Variants in AP3S2 observed in about 807,000 individuals in gnomAD.
AP3S2 encodes the protein AP-3 complex subunit sigma-2.
In AP3S2, 22 loss-of-function variants were observed where a neutral mutation model predicts 23.4. The observed-to-expected ratio is 0.94, with a 90% CI of 0.67 to 1.34. AP3S2 has a LOEUF of 1.34. Among genes scored for constraint, AP3S2 ranks in the 40% most tolerant of loss-of-function variants. The pLI is 0.00. For synonymous variants in AP3S2, 86 were observed against 87.1 expected (o/e 0.99, Z 0.07); for missense variants, 241 against 236.9 (o/e 1.02, Z -0.11).
chr15:89,870,361 C>G (rs1369315391), intron 4 of AP3S2, among the ~76,000 whole-genome samples: 1 of 152,038 alleles, frequency 6.6e-6, no homozygotes, highest in African/African-American at 2.4e-5. Context: ...CTGGAAGCCC[C>G]GTGAGGTTGT....
At position 89,833,356 on chromosome 15, in the gene AP3S2, A is replaced by G. The variant is rs1895120822; in HGVS notation, c.*2159T>C. On this transcript the variant is annotated 3_prime_UTR_variant, in exon 6 of 6. Coordinates refer to ENST00000336418, the MANE Select transcript of AP3S2 (RefSeq NM_005829.5). ...TTCCTTATCTATAAAAAAGAAGATGATAACATTGGGAGAAGCCATCTTAAG... is the reference window on the plus strand; with the variant it reads ...TTCCTTATCTATAAAAAAGAAGATGGTAACATTGGGAGAAGCCATCTTAAG... The G allele has an allele frequency of 2.6e-5, 4 of 152,194 alleles. No individual in the cohort carries two copies. Among genetic ancestry groups the G allele is most frequent in the Admixed American group, 2.0e-4 (3 of 15,270 alleles). 9.4% of individuals were successfully genotyped at this position (152,194 alleles called of 1,614,324 possible). A position where few individuals can be genotyped will look rare whatever the true frequency, so the allele number is the denominator to read the frequency against.
intron 1 of AP3S2, among the ~76,000 whole-genome samples, chr15:89,891,911 A>G (rs1896829903): frequency 6.6e-6 from 1 of 152,232 alleles, no homozygotes; most frequent in East Asian, 1.9e-4. Context: ...AAATGAAGTC[A>G]TAAGTCCACA....
At chr15:89,878,157 C>T (rs1896486844) in intron 3 of AP3S2, 1 of 527,526 alleles carries the variant, frequency 1.9e-6, no homozygotes, top group Middle Eastern at 4.2e-4. Context: ...GATCTTGCCA[C>T]TGGTACATAA....
At chr15:89,875,561 C>T (rs1179394062) in intron 3 of AP3S2, among the ~76,000 whole-genome samples, 3 of 151,904 alleles carry the variant, frequency 2.0e-5, no homozygotes, top group African/African-American at 7.3e-5. Context: ...GGCAAGAAGA[C>T]AGGAATCCTA....
chr15:89,862,234 T>A (rs555809521), intron 4 of AP3S2, among the ~76,000 whole-genome samples: 1 of 152,290 alleles, frequency 6.6e-6, no homozygotes, highest in African/African-American at 2.4e-5. Context: ...AATGTTTGAC[T>A]CATAACTGAA....
intron 4 of AP3S2, among the ~76,000 whole-genome samples, chr15:89,853,010 C>A (rs1357213655): frequency 1.3e-5 from 2 of 151,968 alleles, no homozygotes. Flanking sequence ...GGCAGTGGTC[C>A]CCAACTTAAA....
intron 3 of AP3S2, among the ~76,000 whole-genome samples, chr15:89,877,788 CTG>C (rs960673190): frequency 6.6e-6 from 1 of 151,822 alleles, no homozygotes; most frequent in Non-Finnish European, 1.5e-5. Context: ...GAGTGAGACT[CTG>C]TCTCAAAATA....
chr15:89,844,249 TTCTTTCTTTCTTTCTTTCTTTC>T (rs1247734096), intron 4 of AP3S2, among the ~76,000 whole-genome samples: 9 of 50,220 alleles, frequency 1.8e-4, no homozygotes, highest in African/African-American at 4.1e-4. Context: ...CTTTCTTTCT[TTCTTTCTTTCTTTCTTTCTTTC>T]TCTCTCTCTC....
At chr15:89,862,753 G>A (rs1896034918) in intron 4 of AP3S2, among the ~76,000 whole-genome samples, 2 of 152,106 alleles carry the variant, frequency 1.3e-5, no homozygotes, top group Admixed American at 1.3e-4. Flanking sequence ...CTGGATACGT[G>A]GCAAGAAGAA....
intron 4 of AP3S2, among the ~76,000 whole-genome samples, chr15:89,869,719 T>C (rs955976975): frequency 7.2e-5 from 11 of 151,974 alleles, no homozygotes; most frequent in Non-Finnish European, 1.3e-4. Flanking sequence ...CACTAGGTGG[T>C]AACTTCGAAA....
rs1445820752 is a variant in AP3S2 at position 89,833,136 on chromosome 15, G to A, written c.*2379C>T. ...ACCACGTAACAAACGAACTCAAGAAGAGGGATGTGGCTCTGGATTTGTGAC... is the reference window on the plus strand; with the variant it reads ...ACCACGTAACAAACGAACTCAAGAAAAGGGATGTGGCTCTGGATTTGTGAC... On this transcript the variant is annotated 3_prime_UTR_variant, in exon 6 of 6. Transcript: ENST00000336418. 3.3e-5 allele frequency: 5 copies of A among 152,232 alleles called. No individual in the cohort carries two copies. Among genetic ancestry groups the A allele is most frequent in the African/African-American group, 1.2e-4 (5 of 41,452 alleles). The allele number at this position is 152,232 out of a possible 1,614,324, so 9.4% of individuals were successfully genotyped here.
chr15:89,870,846 A>C (rs887963748), intron 4 of AP3S2, among the ~76,000 whole-genome samples: 2 of 152,192 alleles, frequency 1.3e-5, no homozygotes, highest in Non-Finnish European at 2.9e-5. Flanking sequence ...TAAAATAAAC[A>C]TGGCAATTCC....
chr15:89,831,598 A>G lies in AP3S2; in HGVS notation c.*3917T>C. On this transcript the variant is annotated 3_prime_UTR_variant, in exon 6 of 6. Coordinates refer to ENST00000336418, the MANE Select transcript of AP3S2 (RefSeq NM_005829.5). ...TTACTAGAGACTGGTCCACAAGATC[A>G]GATTTAGCTGCCCCTGGTTTGAGCC... 6.6e-6 allele frequency: 1 copy of G among 152,444 alleles called. No homozygotes were observed. The highest frequency in any genetic ancestry group is 1.5e-5 in the Non-Finnish European group (1 of 68,088). 9.4% of individuals were successfully genotyped at this position (152,444 alleles called of 1,614,324 possible).
chr15:89,893,984 T>G lies in AP3S2; in HGVS notation c.-35A>C. 6.5e-7 allele frequency: 1 copy of G among 1,546,920 alleles called. No individual in the cohort carries two copies. On this transcript the variant is annotated 5_prime_UTR_variant, in exon 1 of 6. Transcript: ENST00000336418. The stretch of plus-strand genomic sequence containing the variant: ...CCACGGTTCTCTCAGCACCGGCTAC[T>G]CCCAGAAAGCTCCTCCTTCCGCCAC...
At chr15:89,891,346 C>T (rs1191458558) in intron 1 of AP3S2, among the ~76,000 whole-genome samples, 2 of 152,084 alleles carry the variant, frequency 1.3e-5, no homozygotes, top group Non-Finnish European at 2.9e-5. Context: ...CATCATTAGT[C>T]ATTTTGGAAA....
At chr15:89,876,219 G>C (rs1896439280) in intron 3 of AP3S2, among the ~76,000 whole-genome samples, 1 of 152,014 alleles carries the variant, frequency 6.6e-6, no homozygotes, top group African/African-American at 2.4e-5. Flanking sequence ...AGGAGTTTGA[G>C]ACCAACCTGG....
At chr15:89,868,681 C>T (rs1200006372) in intron 4 of AP3S2, among the ~76,000 whole-genome samples, 4 of 115,192 alleles carry the variant, frequency 3.5e-5, no homozygotes, top group African/African-American at 1.4e-4. Flanking sequence ...CCGCCCGGTC[C>T]GGGAGGGAGG....
At chr15:89,867,336 T>G (rs1459778663) in intron 4 of AP3S2, among the ~76,000 whole-genome samples, 3 of 151,180 alleles carry the variant, frequency 2.0e-5, no homozygotes, top group African/African-American at 7.3e-5. Flanking sequence ...CAGGCTGGAG[T>G]GCAGTGGCGT....
intron 1 of AP3S2, chr15:89,893,628 GAAAATGTCAC>G: frequency 2.0e-6 from 1 of 508,134 alleles, no homozygotes; most frequent in South Asian, 2.9e-5. Context: ...AGACCCACGG[GAAAATGTCAC>G]AAAATGGCAC....
Sources: gnomAD v4.1 joint callset for allele counts (sites outside exome capture counted in the v4.1 genomes callset) on GRCh38, gnomAD v4.1.1 for gene constraint, MANE v1.5 for transcripts, NCBI Gene and HGNC (gene_info 2026-07-23, HGNC 2026-07-21) for gene names.